Variants in WARS2 observed in about 807,000 individuals in gnomAD.
WARS2 encodes tryptophan--tRNA ligase, mitochondrial.
WARS2 carries 28 observed loss-of-function variants against 36.5 expected under a neutral mutation model. The observed-to-expected ratio is 0.77, with a 90% CI of 0.57 to 1.05. The LOEUF is 1.05. Among genes scored for constraint, WARS2 ranks in the 50% least tolerant of loss-of-function variants. The pLI is 0.00. For synonymous variants in WARS2, 174 were observed against 178.4 expected (o/e 0.98, Z 0.20); for missense variants, 435 against 456.8 (o/e 0.95, Z 0.44).
At chr1:119,091,855 C>T (rs1044649910) in intron 1 of WARS2, among the ~76,000 whole-genome samples, 7 of 152,160 alleles carry the variant, frequency 4.6e-5, no homozygotes, top group South Asian at 2.1e-4. Flanking sequence ...ACGTAGAAGC[C>T]GCTGTGCTGA....
rs77906163 is a variant in WARS2 at position 119,068,728 on chromosome 1, A to T, written c.348+7622T>A. ...GCACTCAGGCCTGCTGGCTTGCTAG[A>T]AATAAAAGACCATTAACTATGGTGT... On this transcript the variant is annotated intron_variant, in intron 2 of 5. Transcript: ENST00000235521. 0.011 allele frequency among the ~76,000 whole-genome samples: 1,704 copies of T among 152,260 alleles called. 84 individuals are homozygous for T. In the East Asian group the frequency reaches 0.16, roughly 14 times the overall value.
At chr1:119,091,531 T>C (rs971358001) in intron 1 of WARS2, among the ~76,000 whole-genome samples, 4 of 152,200 alleles carry the variant, frequency 2.6e-5, no homozygotes, top group African/African-American at 9.6e-5. Flanking sequence ...CACTAGAATG[T>C]ATGGCCTAAA....
chr1:119,033,510 G>A, intron 5 of WARS2, 151 bp from the exon 6 acceptor site: 5 of 937,160 alleles, frequency 5.3e-6, no homozygotes, highest in Middle Eastern at 3.4e-4. Flanking sequence ...CCATTCAGTA[G>A]AAACTGTACT....
intron 2 of WARS2, among the ~76,000 whole-genome samples, chr1:119,069,736 C>T (rs1016558683): frequency 1.3e-5 from 2 of 152,088 alleles, no homozygotes; most frequent in African/African-American, 4.8e-5. Flanking sequence ...AGGAGAGAGA[C>T]GCTGATGTGT....
rs1167603117 is a variant in WARS2, at chr1:119,032,511, C to G, written c.*400G>C. On this transcript the variant is annotated 3_prime_UTR_variant, in exon 6 of 6. Transcript: ENST00000235521. Reference sequence around the variant, plus strand: ...CTCAAGGATTATACATCTAAGACCTCTATATATTGCTTTATAAAAGGGTTG... The same window carrying G: ...CTCAAGGATTATACATCTAAGACCTGTATATATTGCTTTATAAAAGGGTTG... 2 of 187,382 alleles carry G rather than the reference C, an allele frequency of 1.1e-5. No homozygotes were observed. The highest frequency in any genetic ancestry group is 3.0e-4 in the East Asian group (2 of 6,768). The allele number at this position is 187,382 out of a possible 1,614,324, so 11.6% of individuals were successfully genotyped here.
chr1:119,140,462 A>T, intron 1 of WARS2, 93 bp downstream of exon 1: 1 of 1,198,834 alleles, frequency 8.3e-7, no homozygotes, highest in Non-Finnish European at 1.2e-6. Context: ...ACTTTCCCTA[A>T]GAAGCGGGAG....
rs377394243 is a variant in WARS2, at chr1:119,109,944, A to T, written c.90+30611T>A. On this transcript the variant is annotated intron_variant, in intron 1 of 5. Coordinates refer to ENST00000235521, the MANE Select transcript of WARS2 (RefSeq NM_015836.4). ...GATTGCCCTAGACTTTGCACCATAC[A>T]TTTACCACTAATCCAAGTGACTTTG... is the stretch of plus-strand genomic sequence containing the variant. Among the ~76,000 whole-genome samples the T allele has an allele frequency of 8.6e-5, 13 of 151,878 alleles. No homozygotes were observed. In the East Asian group the frequency reaches 2.3e-3, roughly 27 times the overall value.
chr1:119,057,228 C>T (rs1649897874), intron 2 of WARS2, among the ~76,000 whole-genome samples: 2 of 151,944 alleles, frequency 1.3e-5, no homozygotes, highest in Admixed American at 6.6e-5. Context: ...TGACTGAAAC[C>T]TCTGCCTCCT....
At chr1:119,107,535 T>A (rs1414894214) in intron 1 of WARS2, among the ~76,000 whole-genome samples, 1 of 152,096 alleles carries the variant, frequency 6.6e-6, no homozygotes, top group Non-Finnish European at 1.5e-5. Context: ...GACTCTCTCT[T>A]CCATTGTATT....
chr1:119,037,915 C>A (rs1648017392), intron 4 of WARS2, among the ~76,000 whole-genome samples: 1 of 152,236 alleles, frequency 6.6e-6, no homozygotes, highest in African/African-American at 2.4e-5. Flanking sequence ...GAAATAGCCT[C>A]TAAATAGATG....
intron 1 of WARS2, among the ~76,000 whole-genome samples, chr1:119,125,032 G>A (rs373297090): frequency 2.4e-4 from 37 of 152,256 alleles, no homozygotes; most frequent in African/African-American, 8.2e-4. Context: ...GCTGTTACAA[G>A]AATTAAATGA....
chr1:119,104,898 C>T (rs1654127808), intron 1 of WARS2, among the ~76,000 whole-genome samples: 1 of 152,010 alleles, frequency 6.6e-6, no homozygotes, highest in South Asian at 2.1e-4. Flanking sequence ...CATACAAGGC[C>T]TTGTATGCTA....
chr1:119,047,890 G>A (rs776605637), intron 2 of WARS2, among the ~76,000 whole-genome samples: 4 of 152,224 alleles, frequency 2.6e-5, no homozygotes, highest in Non-Finnish European at 5.9e-5. Flanking sequence ...AGAAAGAACT[G>A]AAGATTTCAG....
At chr1:119,125,206 C>T (rs1410531740) in intron 1 of WARS2, among the ~76,000 whole-genome samples, 4 of 152,116 alleles carry the variant, frequency 2.6e-5, no homozygotes, top group African/African-American at 9.7e-5. Context: ...TTCTTCTTTC[C>T]TCTTCCTGGC....
chr1:119,074,826 C>A (rs112235632), intron 2 of WARS2, among the ~76,000 whole-genome samples: 2,985 of 152,268 alleles, frequency 0.02, 48 homozygotes, highest in Non-Finnish European at 0.028. Context: ...GAAATCATGT[C>A]TTTTGCAGCA....
At chr1:119,136,126 C>CTGTGTG (rs144134831) in intron 1 of WARS2, among the ~76,000 whole-genome samples, 1 of 149,120 alleles carries the variant, frequency 6.7e-6, no homozygotes, top group Non-Finnish European at 1.5e-5. Flanking sequence ...ATATATTTGT[C>CTGTGTG]TGTGTGTGTG....
At chr1:119,057,757 T>G (rs1227990993) in intron 2 of WARS2, among the ~76,000 whole-genome samples, 1 of 151,120 alleles carries the variant, frequency 6.6e-6, no homozygotes, top group Non-Finnish European at 1.5e-5. Flanking sequence ...ACCACTGCAC[T>G]CCAGCCTGGA....
Position 119,062,468 on chromosome 1 carries a change from A to T in WARS2, c.348+13882T>A, listed in dbSNP as rs181318494. Among the ~76,000 whole-genome samples, 560 of 150,782 alleles carry T rather than the reference A, an allele frequency of 3.7e-3. 5 individuals carry two copies. The highest frequency in any genetic ancestry group is 0.013 in the African/African-American group (545 of 41,068). ...ACTATCTCCTGAAGCACAGCAAATA[A>T]AAAAAAAAGGACTTTTACTTATATT... On this transcript the variant is annotated intron_variant, in intron 2 of 5. Transcript: ENST00000235521.
intron 1 of WARS2, chr1:119,085,833 C>T (rs115418093): frequency 0.011 from 17,192 of 1,610,446 alleles, 127 homozygotes; most frequent in Non-Finnish European, 0.013. Flanking sequence ...AGGAAGCCCT[C>T]CCAGGAAGAT....
Sources: allele counts gnomAD v4.1 joint callset (sites outside exome capture counted in the v4.1 genomes callset), GRCh38; gene constraint gnomAD v4.1.1; transcripts MANE v1.5; gene names NCBI Gene and HGNC (gene_info 2026-07-23, HGNC 2026-07-21).